FRY: variants seen among roughly 807,000 people sequenced by gnomAD.
The protein encoded by FRY is FRY microtubule binding protein.
FRY carries 128 observed loss-of-function variants against 348.4 expected under a neutral mutation model. The observed-to-expected ratio is 0.37, with a 90% CI of 0.32 to 0.43. The LOEUF is 0.43. Ranked by LOEUF, FRY falls within the 20% of genes least tolerant of loss-of-function variation. The pLI is 1.00. For missense variants in FRY, 2,736 were observed against 3,695.2 expected, an observed-to-expected ratio of 0.74 and a Z score of 6.73; for synonymous variants, 1,370 against 1,374.7, an observed-to-expected ratio of 1.00 and a Z score of 0.08.
chr13:32,112,831 T>TA (rs1049133064), intron 3 of FRY, among the ~76,000 whole-genome samples: 9 of 152,190 alleles, frequency 5.9e-5, no homozygotes, highest in Admixed American at 2.0e-4. Flanking sequence ...ACCATCTTGG[T>TA]AGTAGTAATT....
intron 2 of FRY, among the ~76,000 whole-genome samples, chr13:32,080,309 T>C (rs1287038182): frequency 6.6e-6 from 1 of 152,240 alleles, no homozygotes; most frequent in Non-Finnish European, 1.5e-5. Context: ...ATAGCTGATA[T>C]CTGTGGTGTA....
chr13:32,162,997 G>A (rs1201416463), intron 17 of FRY, among the ~76,000 whole-genome samples: 1 of 152,194 alleles, frequency 6.6e-6, no homozygotes, highest in Admixed American at 6.5e-5. Flanking sequence ...GATGATTTAG[G>A]GGCTGGGGGA....
intron 8 of FRY, among the ~76,000 whole-genome samples, chr13:32,133,802 A>G (rs1441718033): frequency 9.3e-6 from 1 of 107,156 alleles, no homozygotes; most frequent in African/African-American, 3.5e-5. Context: ...AATTTGAGAC[A>G]GGGGTCTCAC....
chr13:32,118,696 A>T (rs1878459677), intron 4 of FRY, among the ~76,000 whole-genome samples: 1 of 151,984 alleles, frequency 6.6e-6, no homozygotes, highest in South Asian at 2.1e-4. Flanking sequence ...AACCATTACC[A>T]CTCTAATTTC....
intron 32 of FRY, 75 bp downstream of exon 32, chr13:32,209,184 G>T: frequency 6.7e-7 from 1 of 1,496,952 alleles, no homozygotes; most frequent in South Asian, 1.1e-5. Context: ...GTCAAACCCC[G>T]GGGAAAATGG....
intron 14 of FRY, among the ~76,000 whole-genome samples, chr13:32,152,369 C>T (rs1487368222): frequency 6.6e-6 from 1 of 152,120 alleles, no homozygotes; most frequent in Non-Finnish European, 1.5e-5. Context: ...GATTTCAGGA[C>T]TTACTATAAA....
At chr13:32,063,757 G>A (rs1001593145) in intron 1 of FRY, among the ~76,000 whole-genome samples, 4 of 152,262 alleles carry the variant, frequency 2.6e-5, no homozygotes, top group South Asian at 4.1e-4. Context: ...CCTTAGTCAC[G>A]TTCTCAGCAG....
chr13:32,133,384 T>A, intron 8 of FRY, among the ~76,000 whole-genome samples: 1 of 152,196 alleles, frequency 6.6e-6, no homozygotes, highest in East Asian at 1.9e-4. Flanking sequence ...GTTCTGAGGA[T>A]TCTTAGCACA....
At chr13:32,041,495 T>C (rs1321870430) in intron 1 of FRY, among the ~76,000 whole-genome samples, 2 of 152,084 alleles carry the variant, frequency 1.3e-5, no homozygotes, top group African/African-American at 4.8e-5. Context: ...GGTTTCACCA[T>C]GTTGGCCAGG....
At chr13:32,243,377 A>G (rs1160153184) in intron 46 of FRY, among the ~76,000 whole-genome samples, 1 of 152,226 alleles carries the variant, frequency 6.6e-6, no homozygotes, top group Non-Finnish European at 1.5e-5. Flanking sequence ...CATTATAAAT[A>G]ATGCTATGGT....
At position 32,117,387 on chromosome 13, in the gene FRY, T is replaced by A; in HGVS notation, c.378T>A (p.Arg126=). ...LSEYCLPSIL[R]TLFDWYKRQN... ...AGTACTGCCTGCCTTCCATTCTACGTACATTATTTGACTGGTATAAAAGGC... is the reference window on the plus strand; with the variant it reads ...AGTACTGCCTGCCTTCCATTCTACGAACATTATTTGACTGGTATAAAAGGC... The change falls in exon 4 of 61, where the codon CGT becomes CGA. Residue 126 remains arginine, a synonymous_variant. Transcript: ENST00000542859. 1 of 1,613,636 alleles carries A rather than the reference T, an allele frequency of 6.2e-7. No homozygotes were observed.
chr13:32,264,681 T>C (rs1178105526), intron 53 of FRY, among the ~76,000 whole-genome samples: 1 of 152,238 alleles, frequency 6.6e-6, no homozygotes, highest in African/African-American at 2.4e-5. Context: ...TCACTGATCC[T>C]GGTTCTGCCT....
chr13:32,058,229 T>C (rs1192417397), intron 1 of FRY, among the ~76,000 whole-genome samples: 1 of 152,166 alleles, frequency 6.6e-6, no homozygotes, highest in Non-Finnish European at 1.5e-5. Context: ...AACCTATAAG[T>C]AAACTTCCCC....
intron 1 of FRY, among the ~76,000 whole-genome samples, chr13:32,056,304 T>C (rs1467731779): frequency 6.6e-6 from 1 of 151,856 alleles, no homozygotes; most frequent in African/African-American, 2.4e-5. Flanking sequence ...ATAAGTATCA[T>C]ACACCTGGTT....
intron 55 of FRY, among the ~76,000 whole-genome samples, chr13:32,267,825 T>G (rs1263802015): frequency 6.6e-6 from 1 of 152,254 alleles, no homozygotes; most frequent in Non-Finnish European, 1.5e-5. Context: ...TTTGAACAGA[T>G]GAAAAGTCAT....
intron 8 of FRY, among the ~76,000 whole-genome samples, chr13:32,132,278 G>A: frequency 6.6e-6 from 1 of 151,204 alleles, no homozygotes; most frequent in South Asian, 2.1e-4. Context: ...ATACAGGTTT[G>A]ATATTTATTG....
In FRY at chr13:32,275,098, G is replaced by T. The variant is rs777632245; in HGVS notation, c.8286+107G>T. 9.7e-6 allele frequency: 10 copies of T among 1,031,092 alleles called. No homozygotes were observed. In the Admixed American group the frequency reaches 1.9e-4, roughly 19 times the overall value. The allele number at this position is 1,031,092 out of a possible 1,614,324, so 63.9% of individuals were successfully genotyped here. On this transcript the variant is annotated intron_variant, in intron 56 of 60. Coordinates refer to ENST00000542859, the MANE Select transcript of FRY (RefSeq NM_023037.3). ...TGGTTTGTTTTAAAGATACCTTCTG[G>T]CCGGGTGCGGTGGCTCAAGCCTGTA... is the stretch of plus-strand genomic sequence containing the variant.
intron 59 of FRY, among the ~76,000 whole-genome samples, chr13:32,290,655 A>AG (rs1448316211): frequency 6.6e-6 from 1 of 151,990 alleles, no homozygotes; most frequent in Non-Finnish European, 1.5e-5. Context: ...AGCTATGCGG[A>AG]GGGTGGGTCT....
intron 55 of FRY, among the ~76,000 whole-genome samples, chr13:32,272,197 G>C (rs1161205630): frequency 6.6e-6 from 1 of 152,172 alleles, no homozygotes; most frequent in Non-Finnish European, 1.5e-5. Flanking sequence ...TGAATCATTT[G>C]TCATTTCCTC....
Sources: allele counts gnomAD v4.1 joint callset (sites outside exome capture counted in the v4.1 genomes callset), GRCh38; gene constraint gnomAD v4.1.1; transcripts MANE v1.5; gene names NCBI Gene and HGNC (gene_info 2026-07-23, HGNC 2026-07-21).